The following ANKS1A variants were observed in gnomAD, a reference collection of about 807,000 sequenced individuals.
The protein encoded by ANKS1A is ankyrin repeat and sterile alpha motif domain containing 1A, also known as ankyrin repeat and SAM domain-containing protein 1A.
In ANKS1A, 55 loss-of-function variants were observed where a neutral mutation model predicts 120.3. The ratio of observed to expected loss-of-function variants is 0.46; its 90% CI spans 0.37 to 0.57. ANKS1A has a LOEUF of 0.57. ANKS1A is among the 20% of genes least tolerant of loss of function. ANKS1A has a pLI of 0.00. For missense variants in ANKS1A, 1,123 were observed against 1,480.3 expected (o/e 0.76, Z 3.96); for synonymous variants, 590 against 604.7 (o/e 0.98, Z 0.36).
At chr6:34,904,572 A>C (rs1767543418) in intron 1 of ANKS1A, among the ~76,000 whole-genome samples, 1 of 152,104 alleles carries the variant, frequency 6.6e-6, no homozygotes, top group Non-Finnish European at 1.5e-5. Flanking sequence ...TCTCTACTAA[A>C]AATACAAAAA....
At position 35,080,956 on chromosome 6, in the gene ANKS1A, G is replaced by A. The variant is rs371486456; in HGVS notation, c.2545-38G>A. 3.5e-5 allele frequency: 56 copies of A among 1,599,094 alleles called. No homozygotes were observed. The African/African-American group carries it at 4.7e-4, about 13-fold the overall frequency. On this transcript the variant is annotated intron_variant, in intron 16 of 23. Coordinates refer to ENST00000360359, the MANE Select transcript of ANKS1A (RefSeq NM_015245.3). ...GATACCTGTAGTCGGGCACTGGGCCGAGGGTTGCAAGTTCCACCTGGATTT... is the reference window on the plus strand; with the variant it reads ...GATACCTGTAGTCGGGCACTGGGCCAAGGGTTGCAAGTTCCACCTGGATTT...
At chr6:34,908,373 G>A (rs983619596) in intron 1 of ANKS1A, among the ~76,000 whole-genome samples, 5 of 152,312 alleles carry the variant, frequency 3.3e-5, no homozygotes, top group Admixed American at 6.5e-5. Context: ...GTGAGTAAGC[G>A]GCTATCCAGC....
In ANKS1A at chr6:35,083,658, G is replaced by T. The variant is rs542359968; in HGVS notation, c.2994+155G>T. Among the ~76,000 whole-genome samples the T allele has an allele frequency of 3.3e-5, 5 of 152,196 alleles. No homozygotes were observed. In the South Asian group the frequency reaches 1.0e-3, roughly 32 times the overall value. On this transcript the variant is annotated intron_variant, in intron 20 of 23. Coordinates refer to ENST00000360359, the MANE Select transcript of ANKS1A (RefSeq NM_015245.3). ...ATTACTTCCCACTTTGCTAAGAGGC[G>T]TGTCTCTCATCTGCTGGCCTGGGTG...
chr6:34,956,012 G>A (rs990320603), intron 1 of ANKS1A, among the ~76,000 whole-genome samples: 2 of 151,874 alleles, frequency 1.3e-5, no homozygotes, highest in Non-Finnish European at 2.9e-5. Context: ...CTCATAAGCG[G>A]AAGTTCAAGG....
At chr6:34,926,871 T>C (rs1768743231) in intron 1 of ANKS1A, among the ~76,000 whole-genome samples, 1 of 152,100 alleles carries the variant, frequency 6.6e-6, no homozygotes, top group African/African-American at 2.4e-5. Flanking sequence ...CTCAGTAGCA[T>C]GGATGCTGGT....
chr6:35,094,020 G>A (rs1778387284), downstream of ANKS1A, among the ~76,000 whole-genome samples: 1 of 152,212 alleles, frequency 6.6e-6, no homozygotes, highest in Non-Finnish European at 1.5e-5. Context: ...AGCCGGGAGT[G>A]CCACGGCACC....
rs777545979 is a variant in ANKS1A at position 34,983,376 on chromosome 6, C to G, written c.963C>G (p.Pro321=). The part of the protein sequence containing the change: ...STKEVDKTPP[P]QPPLISSMDS... ...AAGAAGTAGATAAAACCCCCCCACC[C>G]CAGCCACCTCTCATCTCCAGTATGG... is the stretch of plus-strand genomic sequence containing the variant. The change falls in exon 7 of 24, where the codon CCC becomes CCG. Residue 321 remains proline (P), a synonymous_variant. Transcript: ENST00000360359. 5 of 1,614,006 alleles carry G rather than the reference C, an allele frequency of 3.1e-6. No homozygotes were observed. The highest frequency in any genetic ancestry group is 4.2e-6 in the Non-Finnish European group (5 of 1,179,996).
At chr6:35,097,258 CA>C in the ANKS1A span, among the ~76,000 whole-genome samples, 1 of 152,182 alleles carries the variant, frequency 6.6e-6, no homozygotes, top group Admixed American at 6.5e-5. Context: ...GGTTTAATCC[CA>C]GCACTTTGGG....
intron 1 of ANKS1A, among the ~76,000 whole-genome samples, chr6:34,922,723 C>G (rs1200055915): frequency 7.3e-6 from 1 of 136,148 alleles, no homozygotes; most frequent in Non-Finnish European, 1.5e-5. Context: ...GTGACGGAGT[C>G]TCACTCTGTA....
At chr6:34,965,598 G>A (rs552524846) in intron 1 of ANKS1A, among the ~76,000 whole-genome samples, 2 of 152,210 alleles carry the variant, frequency 1.3e-5, no homozygotes, top group Admixed American at 6.5e-5. Context: ...TGATCCACTC[G>A]CCTTGGCCTC....
At chr6:35,037,158 A>G (rs547800215) in intron 11 of ANKS1A, among the ~76,000 whole-genome samples, 1 of 152,366 alleles carries the variant, frequency 6.6e-6, no homozygotes, top group South Asian at 2.1e-4. Flanking sequence ...TAATTAGGCA[A>G]ATGAAAAGCA....
chr6:34,947,014 G>C (rs962914925), intron 1 of ANKS1A, among the ~76,000 whole-genome samples: 5 of 152,212 alleles, frequency 3.3e-5, no homozygotes, highest in Non-Finnish European at 7.4e-5. Context: ...TCACCTTTCT[G>C]AGCATGTTAA....
At chr6:34,917,292 T>A (rs536174747) in intron 1 of ANKS1A, among the ~76,000 whole-genome samples, 1 of 152,310 alleles carries the variant, frequency 6.6e-6, no homozygotes. Context: ...GGCAGCAGGC[T>A]TTTGGCTAAG....
At chr6:35,052,444 C>G (rs1776013527) in intron 11 of ANKS1A, among the ~76,000 whole-genome samples, 1 of 151,224 alleles carries the variant, frequency 6.6e-6, no homozygotes, top group South Asian at 2.1e-4. Context: ...GAGCAAGACC[C>G]TGCCTCCAAA....
chr6:35,093,169 G>T (rs966417277), downstream of ANKS1A, among the ~76,000 whole-genome samples: 1 of 152,044 alleles, frequency 6.6e-6, no homozygotes, highest in Non-Finnish European at 1.5e-5. Context: ...CTTTGAGACC[G>T]CTTTTTTCAG....
chr6:35,084,742 C>G lies in ANKS1A; in HGVS notation c.3132+484C>G, dbSNP rs376671612. Among the ~76,000 whole-genome samples the G allele has an allele frequency of 1.4e-4, 21 of 152,334 alleles. No individual in the cohort carries two copies. Among genetic ancestry groups the G allele is most frequent in the Middle Eastern group, 3.4e-3 (1 of 294 alleles). On this transcript the variant is annotated intron_variant, in intron 21 of 23. Transcript: ENST00000360359. This position sits in a 1 kb window ranked among gnomAD's most constrained non-coding sequence, Gnocchi z 4.8. ...CGCCTCCCAGAAATGCCCTCTACTT[C>G]CCTCTTAGGGGCAGTGGTGCCCTCT...
intron 1 of ANKS1A, among the ~76,000 whole-genome samples, chr6:34,900,132 C>T (rs2127446629): frequency 6.6e-6 from 1 of 152,302 alleles, no homozygotes; most frequent in South Asian, 2.1e-4. Context: ...ATTGTTATTT[C>T]CATTTTACAG....
At chr6:35,091,797 C>G (rs1778315634), downstream of ANKS1A, among the ~76,000 whole-genome samples, 1 of 152,226 alleles carries the variant, frequency 6.6e-6, no homozygotes, top group Admixed American at 6.5e-5. Context: ...AGAAAGTGCT[C>G]TCCTTTCAGG....
rs982792473 is a variant in ANKS1A at position 35,050,319 on chromosome 6, G to A, written c.2011-3780G>A. On this transcript the variant is annotated intron_variant, in intron 11 of 23. Coordinates refer to ENST00000360359, the MANE Select transcript of ANKS1A (RefSeq NM_015245.3). This position sits in a 1 kb window ranked among gnomAD's most constrained non-coding sequence, Gnocchi z 4.3. ...CAAGTCCTTATATTAACAAACACGA[G>A]TATAAGTTTTCAGTCAGTTCACGTG... is the stretch of plus-strand genomic sequence containing the variant. Among the ~76,000 whole-genome samples, 2 of 152,168 alleles carry A rather than the reference G, an allele frequency of 1.3e-5. No homozygotes were observed. The highest frequency in any genetic ancestry group is 1.5e-5 in the Non-Finnish European group (1 of 68,038).
Sources: allele counts gnomAD v4.1 joint callset (sites outside exome capture counted in the v4.1 genomes callset), GRCh38; gene constraint gnomAD v4.1.1; non-coding constraint Gnocchi (gnomAD v3.1); transcripts MANE v1.5; gene names NCBI Gene and HGNC (gene_info 2026-07-23, HGNC 2026-07-21).